ACTR8: variants seen among roughly 807,000 people sequenced by gnomAD.
ACTR8 encodes actin-related protein 8.
In ACTR8, 70 loss-of-function variants were observed where a neutral mutation model predicts 84.3. The observed-to-expected ratio is 0.83, with a 90% CI of 0.68 to 1.01. The LOEUF (loss-of-function observed/expected upper bound fraction) is 1.01. Ranked by LOEUF, ACTR8 falls within the 50% of genes least tolerant of loss-of-function variation. The pLI is 0.00. For missense variants in ACTR8, 672 were observed against 775.4 expected (o/e 0.87, Z 1.58); for synonymous variants, 268 against 275.2 (o/e 0.97, Z 0.26).
At chr3:53,879,849 A>G in intron 2 of ACTR8, 90 bp downstream of exon 2, 1 of 1,257,858 alleles carries the variant, frequency 8.0e-7, no homozygotes, top group Non-Finnish European at 1.1e-6. Flanking sequence ...AAAGCTATGA[A>G]GATGTTTCTT....
intron 1 of ACTR8, among the ~76,000 whole-genome samples, chr3:53,880,343 T>C (rs920445994): frequency 1.3e-5 from 2 of 152,218 alleles, no homozygotes; most frequent in Admixed American, 1.3e-4. Flanking sequence ...TTTGTTTAAA[T>C]AAATGAAACA....
At position 53,874,263 on chromosome 3, in the gene ACTR8, AT is replaced by A. The variant is rs781063850; in HGVS notation, c.1012del (p.Met338TrpfsTer16). On this transcript the variant is annotated frameshift_variant, in exon 8 of 13. Coordinates refer to ENST00000335754, the MANE Select transcript of ACTR8 (RefSeq NM_022899.5). LOFTEE classifies it high-confidence loss of function. ...PYRECQLTNKMDCLLLQHLKE... is the reference protein window; with the variant it reads ...PYRECQLTNKXDCLLLQHLKE... ...AAGGTGTTGCAGAAGAAGACAATCC[AT>A]TTTATTTGTTAACTGGCATTCTCTG... is the stretch of plus-strand genomic sequence containing the variant. The A allele has an allele frequency of 3.0e-5, 48 of 1,614,036 alleles. No homozygotes were observed. Among genetic ancestry groups the A allele is most frequent in the Non-Finnish European group, 3.9e-5 (46 of 1,180,014 alleles).
intron 11 of ACTR8, 195 bp downstream of exon 11, chr3:53,871,037 G>T (rs1275905766): frequency 6.1e-6 from 4 of 659,000 alleles, no homozygotes; most frequent in Non-Finnish European, 9.9e-6. Flanking sequence ...GACTTATTTT[G>T]GCCTCTTCCA....
At chr3:53,874,619 G>C (rs1699938682) in intron 7 of ACTR8, among the ~76,000 whole-genome samples, 1 of 152,078 alleles carries the variant, frequency 6.6e-6, no homozygotes, top group Non-Finnish European at 1.5e-5. Context: ...AGCTACTCGG[G>C]AGGCTGAGGC....
intron 2 of ACTR8, among the ~76,000 whole-genome samples, chr3:53,879,419 T>C (rs1700026424): frequency 6.6e-6 from 1 of 152,198 alleles, no homozygotes; most frequent in African/African-American, 2.4e-5. Flanking sequence ...TTATCATTGA[T>C]CACAAAGAAT....
chr3:53,880,212 G>A (rs1700037968), intron 1 of ACTR8, 103 bp from the exon 2 acceptor site: 4 of 1,187,130 alleles, frequency 3.4e-6, no homozygotes, highest in Non-Finnish European at 4.8e-6. Context: ...TGACTCAAAG[G>A]TATCAAAATA....
chr3:53,873,503 A>G (rs1699919598), intron 8 of ACTR8, among the ~76,000 whole-genome samples: 1 of 152,258 alleles, frequency 6.6e-6, no homozygotes, highest in African/African-American at 2.4e-5. Flanking sequence ...AAAGGATACC[A>G]ATCCATATAT....
At position 53,874,235 on chromosome 3, in the gene ACTR8, T is replaced by C; in HGVS notation, c.1041A>G (p.Lys347=). The change falls in exon 8 of 13, where the codon AAA becomes AAG. Residue 347 remains lysine (K), a synonymous_variant. Coordinates refer to ENST00000335754, the MANE Select transcript of ACTR8 (RefSeq NM_022899.5). ...KMDCLLLQHL[K]ETFCHLDQDI... is the part of the protein sequence containing the mutation. ...CCTGATCTAAATGACAAAAAGTTTC[T>C]TTAAGGTGTTGCAGAAGAAGACAAT... is the stretch of plus-strand genomic sequence containing the variant. 1 of 1,614,000 alleles carries C rather than the reference T, an allele frequency of 6.2e-7. No homozygotes were observed. Among genetic ancestry groups the C allele is most frequent in the South Asian group, 1.1e-5 (1 of 91,024 alleles).
At position 53,876,094 on chromosome 3, in the gene ACTR8, AG is replaced by A. The variant is rs5849012; in HGVS notation, c.779-15del. On this transcript the variant is annotated splice_polypyrimidine_tract_variant and intron_variant, in intron 6 of 12. Coordinates refer to ENST00000335754, the MANE Select transcript of ACTR8 (RefSeq NM_022899.5). The stretch of plus-strand genomic sequence containing the variant: ...GGACCACAATCCCTGGGGGGGGAAA[AG>A]AAAAGGCAGAGTAGTCATTAGCTGT... 505,564 of 1,589,580 alleles carry A rather than the reference AG, an allele frequency of 0.32. 70,280 individuals carry two copies. The highest frequency in any genetic ancestry group is 0.57 in the East Asian group (24,735 of 43,466).
chr3:53,881,799 T>A, intron 1 of ACTR8, 180 bp downstream of exon 1: 1 of 1,022,954 alleles, frequency 9.8e-7, no homozygotes, highest in Non-Finnish European at 1.4e-6. Flanking sequence ...GCTCCGCACC[T>A]CCCAGCCCTC....
Position 53,882,133 on chromosome 3 carries a change from T to C in ACTR8, c.-32A>G. 1.7e-5 allele frequency: 26 copies of C among 1,549,744 alleles called. No individual in the cohort carries two copies. The highest frequency in any genetic ancestry group is 2.3e-5 in the Non-Finnish European group (26 of 1,145,770). On this transcript the variant is annotated 5_prime_UTR_variant, in exon 1 of 13. Transcript: ENST00000335754. ...CGGAGACACCCACCAACCTCTCGCC[T>C]CAGCGCTGCAGCCACGACTGCCGGG...
chr3:53,882,130 G>A lies in ACTR8; in HGVS notation c.-29C>T, dbSNP rs985898743. The A allele has an allele frequency of 1.9e-6, 3 of 1,549,628 alleles. No individual in the cohort carries two copies. Among genetic ancestry groups the A allele is most frequent in the Middle Eastern group, 1.7e-4 (1 of 5,988 alleles). ...GGCCGGAGACACCCACCAACCTCTC[G>A]CCTCAGCGCTGCAGCCACGACTGCC... On this transcript the variant is annotated 5_prime_UTR_variant, in exon 1 of 13. Transcript: ENST00000335754.
the ACTR8 span, chr3:53,859,599 G>A: frequency 6.5e-6 from 1 of 152,868 alleles, no homozygotes. Context: ...TGCTATGTAT[G>A]TAAGCAGTTG....
chr3:53,872,516 C>A lies in ACTR8; in HGVS notation c.1170G>T (p.Met390Ile). 6.2e-7 allele frequency: 1 copy of A among 1,601,080 alleles called. No individual in the cohort carries two copies. Reference protein sequence around the residue: ...RLGDEKLQAPMALFYPATFGI... With the variant: ...RLGDEKLQAPIALFYPATFGI... The stretch of plus-strand genomic sequence containing the variant: ...CAAAAGTTGCGGGGTAAAACAAAGC[C>A]ATTGGAGCCTGTACATGAAGAAAAA... Residue 390 changes from methionine to isoleucine, a missense_variant, in exon 10 of 13, where the codon ATG becomes ATT. Physicochemically the swap from Met to Ile is conservative, Grantham distance 10. Coordinates refer to ENST00000335754, the MANE Select transcript of ACTR8 (RefSeq NM_022899.5).
chr3:53,859,529 G>A, the ACTR8 span: 1 of 152,432 alleles, frequency 6.6e-6, no homozygotes, highest in Admixed American at 6.5e-5. Context: ...TGAGGCGGGT[G>A]GCACTATCCT....
chr3:53,866,542 C>T (rs11711034), downstream of ACTR8, among the ~76,000 whole-genome samples: 11,848 of 151,692 alleles, frequency 0.078, 609 homozygotes, highest in East Asian at 0.23. Flanking sequence ...AGTGCAGTGG[C>T]GTGACCTCGG....
chr3:53,863,002 A>C (rs1027369094), downstream of ACTR8, among the ~76,000 whole-genome samples: 1 of 152,122 alleles, frequency 6.6e-6, no homozygotes, highest in African/African-American at 2.4e-5. Context: ...TCGTCAGCCT[A>C]CTCAACAAGA....
chr3:53,859,354 A>G, the ACTR8 span: 960 of 152,792 alleles, frequency 6.3e-3, 4 homozygotes, highest in Non-Finnish European at 8.6e-3. Flanking sequence ...GAGAAATACA[A>G]TGTTTACACA....
Position 53,868,809 on chromosome 3 carries a change from C to G in ACTR8, c.1785G>C (p.Leu595Phe). Residue 595 changes from leucine to phenylalanine, a missense_variant, in exon 13 of 13, where the codon TTG (leucine) becomes TTC (phenylalanine). Coordinates refer to ENST00000335754, the MANE Select transcript of ACTR8 (RefSeq NM_022899.5). ...AAATCCACAGTTCCTGTGTTGTATC[C>G]AAACAAGCCAACACTGCCCCTCCTT... ...AWKGGAVLAC[L>F]DTTQELWIYQ... is the part of the protein sequence containing the mutation. The G allele has an allele frequency of 6.2e-7, 1 of 1,614,214 alleles. No individual in the cohort carries two copies. Among genetic ancestry groups the G allele is most frequent in the East Asian group, 2.2e-5 (1 of 44,868 alleles).
Sources: gnomAD v4.1 joint callset for allele counts (sites outside exome capture counted in the v4.1 genomes callset) on GRCh38, gnomAD v4.1.1 for gene constraint, MANE v1.5 for transcripts, NCBI Gene and HGNC (gene_info 2026-07-23, HGNC 2026-07-21) for gene names.